The following MALRD1 variants were observed in gnomAD, a reference collection of about 807,000 sequenced individuals.
MALRD1 encodes the protein MAM and LDL-receptor class A domain-containing protein 1.
MALRD1 carries 247 observed loss-of-function variants against 242.1 expected under a neutral mutation model. That is an observed-to-expected ratio of 1.02 (90% CI 0.92 to 1.13). The LOEUF is 1.13. Among genes scored for constraint, MALRD1 ranks in the 50% most tolerant of loss-of-function variants. The pLI, the probability that MALRD1 is intolerant of heterozygous loss-of-function variation, is 0.00. For missense variants in MALRD1, 2,989 were observed against 2,533.1 expected (o/e 1.18, Z -3.86); for synonymous variants, 995 against 866.6 (o/e 1.15, Z -2.60).
rs139980857 is a variant in MALRD1 at position 19,578,037 on chromosome 10, T to C, written c.5680+10334T>C. On this transcript the variant is annotated intron_variant, in intron 33 of 39. Coordinates refer to ENST00000454679, the MANE Select transcript of MALRD1 (RefSeq NM_001142308.3). Reference sequence around the variant, plus strand: ...TTTTTCTGATTCCCTGGAACACATATGTTGTTTGCTGGAAAGCGTCCAGAC... The same window carrying C: ...TTTTTCTGATTCCCTGGAACACATACGTTGTTTGCTGGAAAGCGTCCAGAC... Among the ~76,000 whole-genome samples, 81 of 152,296 alleles carry C rather than the reference T, an allele frequency of 5.3e-4. 1 individual carries two copies. In the East Asian group the frequency reaches 0.015, roughly 29 times the overall value.
At chr10:19,730,175 T>G (rs1461020684) in intron 38 of MALRD1, among the ~76,000 whole-genome samples, 1 of 152,216 alleles carries the variant, frequency 6.6e-6, no homozygotes, top group Admixed American at 6.5e-5. Context: ...CATGAAACAC[T>G]ACCCTAAAGA....
chr10:19,269,292 T>C (rs1158167789), intron 19 of MALRD1, among the ~76,000 whole-genome samples: 1 of 152,040 alleles, frequency 6.6e-6, no homozygotes. Context: ...ATGAGGTTCT[T>C]ATAATGGGAT....
In MALRD1 at chr10:19,377,366, A is replaced by C. The variant is rs187639742; in HGVS notation, c.4442-10162A>C. Among the ~76,000 whole-genome samples, 395 of 152,314 alleles carry C rather than the reference A, an allele frequency of 2.6e-3. 2 individuals carry two copies. The highest frequency in any genetic ancestry group is 9.0e-3 in the African/African-American group (373 of 41,596). On this transcript the variant is annotated intron_variant, in intron 26 of 39. Coordinates refer to ENST00000454679, the MANE Select transcript of MALRD1 (RefSeq NM_001142308.3). ...GAAACTAACATTTTCTTACTAAAAT[A>C]CATTTCATGCCCTTAAGCTATTGGT...
intron 14 of MALRD1, among the ~76,000 whole-genome samples, chr10:19,184,610 G>A (rs888528529): frequency 6.6e-6 from 1 of 152,086 alleles, no homozygotes; most frequent in Non-Finnish European, 1.5e-5. Context: ...GTGCAGTGGT[G>A]CGATCTTGGC....
intron 32 of MALRD1, among the ~76,000 whole-genome samples, chr10:19,553,138 G>A (rs928681571): frequency 6.6e-6 from 1 of 151,968 alleles, no homozygotes; most frequent in Non-Finnish European, 1.5e-5. Context: ...TCCATATAAT[G>A]TATGTGGTTA....
chr10:19,411,298 G>A (rs1589038184), intron 28 of MALRD1, among the ~76,000 whole-genome samples: 1 of 152,168 alleles, frequency 6.6e-6, no homozygotes, highest in Non-Finnish European at 1.5e-5. Flanking sequence ...GAATACATAT[G>A]CTTAGTTCCA....
At chr10:19,192,737 T>C (rs900502510) in intron 14 of MALRD1, among the ~76,000 whole-genome samples, 1 of 146,820 alleles carries the variant, frequency 6.8e-6, no homozygotes, top group Non-Finnish European at 1.5e-5. Context: ...CCTAGGTTTG[T>C]GGTTGTTTGT....
chr10:19,589,852 C>T (rs892350928), intron 33 of MALRD1, among the ~76,000 whole-genome samples: 11 of 152,138 alleles, frequency 7.2e-5, no homozygotes, highest in Admixed American at 2.6e-4. Flanking sequence ...GTGCTATTTT[C>T]GTTTGCTTTC....
intron 28 of MALRD1, among the ~76,000 whole-genome samples, chr10:19,420,482 A>T (rs1216190675): frequency 6.6e-6 from 1 of 151,812 alleles, no homozygotes; most frequent in African/African-American, 2.4e-5. Flanking sequence ...GTTTCCATGG[A>T]ATCACTATTC....
At chr10:19,355,167 G>A (rs73593879) in intron 26 of MALRD1, among the ~76,000 whole-genome samples, 6,168 of 152,104 alleles carry the variant, frequency 0.041, 208 homozygotes, top group African/African-American at 0.092. Context: ...AAAGAACAGG[G>A]ATGGTTCATG....
At chr10:19,568,690 A>C (rs201539313) in intron 33 of MALRD1, among the ~76,000 whole-genome samples, 1 of 151,774 alleles carries the variant, frequency 6.6e-6, no homozygotes, top group Non-Finnish European at 1.5e-5. Flanking sequence ...ATAAGAAAAA[A>C]ATATATATTC....
At chr10:19,619,517 G>GA (rs1169814354) in intron 36 of MALRD1, among the ~76,000 whole-genome samples, 1 of 151,790 alleles carries the variant, frequency 6.6e-6, no homozygotes, top group Non-Finnish European at 1.5e-5. Context: ...TATGGTCATT[G>GA]AAAAAACATA....
intron 26 of MALRD1, among the ~76,000 whole-genome samples, chr10:19,370,495 T>G (rs888841560): frequency 2.0e-5 from 3 of 152,160 alleles, no homozygotes; most frequent in Non-Finnish European, 4.4e-5. Context: ...GTCATACTGG[T>G]TTTTTTGCTG....
chr10:19,366,606 T>C (rs1274668762), intron 26 of MALRD1, among the ~76,000 whole-genome samples: 1 of 151,638 alleles, frequency 6.6e-6, no homozygotes, highest in African/African-American at 2.4e-5. Context: ...TGTTTACTTG[T>C]TTATTTTAAA....
intron 2 of MALRD1, among the ~76,000 whole-genome samples, chr10:19,072,112 A>C (rs914976533): frequency 1.3e-5 from 2 of 152,176 alleles, no homozygotes; most frequent in Non-Finnish European, 2.9e-5. Context: ...ACACATTTCA[A>C]AGCTCACAAC....
chr10:19,220,617 A>G (rs1055034911), intron 18 of MALRD1, among the ~76,000 whole-genome samples: 2 of 152,160 alleles, frequency 1.3e-5, no homozygotes, highest in African/African-American at 2.4e-5. Context: ...TTTCTTTTTA[A>G]TAATTCGACC....
At chr10:19,060,685 T>G (rs1834798049) in intron 1 of MALRD1, among the ~76,000 whole-genome samples, 1 of 152,218 alleles carries the variant, frequency 6.6e-6, no homozygotes, top group Non-Finnish European at 1.5e-5. Context: ...GTGTTTCATT[T>G]ATAATGGTTC....
chr10:19,563,697 G>A (rs1836113476), intron 32 of MALRD1, among the ~76,000 whole-genome samples: 1 of 152,114 alleles, frequency 6.6e-6, no homozygotes. Context: ...GGAACTTCAG[G>A]AAAAACTCCT....
intron 29 of MALRD1, among the ~76,000 whole-genome samples, chr10:19,477,769 G>A (rs1021395213): frequency 6.6e-6 from 1 of 152,170 alleles, no homozygotes; most frequent in East Asian, 1.9e-4. Flanking sequence ...GGGCCCAAGA[G>A]ATTGGTCGGA....
Sources: allele counts gnomAD v4.1 joint callset (sites outside exome capture counted in the v4.1 genomes callset), GRCh38; gene constraint gnomAD v4.1.1; transcripts MANE v1.5; gene names NCBI Gene and HGNC (gene_info 2026-07-23, HGNC 2026-07-21).